Variants in ZNF790 observed in about 807,000 individuals in gnomAD.
ZNF790 encodes the protein zinc finger protein 790.
Under a neutral mutation model 12.1 loss-of-function variants are expected in ZNF790, and 8 were observed. The ratio of observed to expected loss-of-function variants is 0.66; its 90% CI spans 0.39 to 1.19. The LOEUF is 1.19. Among genes scored for constraint, ZNF790 ranks in the 50% most tolerant of loss-of-function variants. The pLI is 0.01. For synonymous variants in ZNF790, 252 were observed against 244.3 expected, an observed-to-expected ratio of 1.03 and a Z score of -0.29; for missense variants, 707 against 752.2, an observed-to-expected ratio of 0.94 and a Z score of 0.70.
In ZNF790 at chr19:36,834,271, A is replaced by T. The variant is rs1398931219; in HGVS notation, c.-74+4066T>A. 2.7e-5 allele frequency among the ~76,000 whole-genome samples: 4 copies of T among 147,138 alleles called. No homozygotes were observed. In the South Asian group the frequency reaches 8.4e-4, roughly 31 times the overall value. ...AAAAAAAAAAAAAAAAAAAAAAGAC[A>T]GTGAGTAAAAATGCAAACCTTACGC... is the stretch of plus-strand genomic sequence containing the variant. On this transcript the variant is annotated intron_variant, in intron 1 of 4. Transcript: ENST00000356725.
chr19:36,839,559 CTCAGCTAATTTTTATAGAGACAGG>C (rs1312094193), upstream of ZNF790, among the ~76,000 whole-genome samples: 2 of 152,204 alleles, frequency 1.3e-5, no homozygotes, highest in East Asian at 3.9e-4. Context: ...TGCCATCACA[CTCAGCTAATTTTTATAGAGACAGG>C]GTCTCGCCAT....
chr19:36,818,727 A>T lies in ZNF790; in HGVS notation c.1617T>A (p.Cys539Ter). ...GTGAACCCCAGATAAAAGATTTCCC[A>T]CATTCTTTACATACGTAAGGTTCCT... ...TGEEPYVCKE[C>*]GKSFIWGSQL... The change falls in exon 5 of 5, where the codon TGT (cysteine) becomes TGA (stop). Residue 539 changes from cysteine to a stop codon, truncating the protein, a stop_gained. Transcript: ENST00000356725. LOFTEE classifies it low-confidence loss of function (END_TRUNC). 1 of 1,613,010 alleles carries T rather than the reference A, an allele frequency of 6.2e-7. No homozygotes were observed. Among genetic ancestry groups the T allele is most frequent in the Non-Finnish European group, 8.5e-7 (1 of 1,179,672 alleles).
At chr19:36,831,493 G>A (rs1044434164) in intron 1 of ZNF790, among the ~76,000 whole-genome samples, 1 of 152,196 alleles carries the variant, frequency 6.6e-6, no homozygotes, top group Non-Finnish European at 1.5e-5. Context: ...GAGTCTAGAA[G>A]ATTGCTTGAG....
At chr19:36,836,794 C>T (rs188150536) in intron 1 of ZNF790, among the ~76,000 whole-genome samples, 1 of 152,178 alleles carries the variant, frequency 6.6e-6, no homozygotes, top group East Asian at 1.9e-4. Context: ...AGCCCCTACC[C>T]AACAATCAAT....
intron 1 of ZNF790, among the ~76,000 whole-genome samples, chr19:36,826,310 G>C (rs993027235): frequency 6.6e-6 from 1 of 152,082 alleles, no homozygotes; most frequent in Non-Finnish European, 1.5e-5. Context: ...TATTGGCCGG[G>C]CGTGGTGGCT....
chr19:36,843,402 G>A (rs1336853481), intron 1 of ZNF790, among the ~76,000 whole-genome samples: 1 of 152,202 alleles, frequency 6.6e-6, no homozygotes, highest in Non-Finnish European at 1.5e-5. Flanking sequence ...TTTGAGTTCA[G>A]GCCCTGTCAG....
intron 1 of ZNF790, among the ~76,000 whole-genome samples, chr19:36,836,463 C>CAT (rs1318685557): frequency 2.0e-5 from 3 of 149,604 alleles, no homozygotes; most frequent in Non-Finnish European, 4.4e-5. Flanking sequence ...AAAAAAAAAA[C>CAT]ACACACACAC....
At chr19:36,842,149 C>T (rs879378824), upstream of ZNF790, among the ~76,000 whole-genome samples, 6 of 152,140 alleles carry the variant, frequency 3.9e-5, no homozygotes, top group Admixed American at 2.6e-4. Context: ...AAAATGTAAA[C>T]GTCTGCTATT....
At chr19:36,821,168 T>C (rs1337387095) in intron 4 of ZNF790, among the ~76,000 whole-genome samples, 1 of 151,618 alleles carries the variant, frequency 6.6e-6, no homozygotes, top group African/African-American at 2.4e-5. Flanking sequence ...TTTTCTAATG[T>C]ATATATTTAG....
At chr19:36,850,560 T>C (rs1600679946), upstream of ZNF790, 1 of 152,446 alleles carries the variant, frequency 6.6e-6, no homozygotes, top group East Asian at 1.9e-4. Context: ...CTGGCTTAGC[T>C]GGATTCTTGC....
At chr19:36,822,096 T>C (rs1445444011) in intron 4 of ZNF790, among the ~76,000 whole-genome samples, 1 of 152,272 alleles carries the variant, frequency 6.6e-6, no homozygotes, top group African/African-American at 2.4e-5. Flanking sequence ...AAAAAGTTTC[T>C]TAAGAGACAA....
chr19:36,826,447 G>A (rs1600655440), intron 1 of ZNF790, among the ~76,000 whole-genome samples: 1 of 151,664 alleles, frequency 6.6e-6, no homozygotes, highest in Non-Finnish European at 1.5e-5. Context: ...GCCAGGCATG[G>A]TGGCGCATCC....
chr19:36,827,141 C>CACACACACACACACACATATATAT (rs1313807327), intron 1 of ZNF790, among the ~76,000 whole-genome samples: 2 of 84,440 alleles, frequency 2.4e-5, no homozygotes, highest in African/African-American at 5.5e-5. Flanking sequence ...CACACACACA[C>CACACACACACACACACATATATAT]ATATATATAT....
At chr19:36,820,656 C>G (rs770828279) in intron 4 of ZNF790, among the ~76,000 whole-genome samples, 3 of 152,110 alleles carry the variant, frequency 2.0e-5, no homozygotes, top group Admixed American at 6.5e-5. Flanking sequence ...TTAATCCCAG[C>G]ACTTGGAAAG....
chr19:36,823,396 G>C lies in ZNF790; in HGVS notation c.134-16C>G. Reference sequence around the variant, plus strand: ...ATGCAAAAACCTGCCCAGAAGATGAGAAACAGCAAAGAACCACATTGTAAA... The same window carrying C: ...ATGCAAAAACCTGCCCAGAAGATGACAAACAGCAAAGAACCACATTGTAAA... On this transcript the variant is annotated splice_polypyrimidine_tract_variant and intron_variant, in intron 3 of 4. Transcript: ENST00000356725. 6.2e-7 allele frequency: 1 copy of C among 1,610,520 alleles called. No individual in the cohort carries two copies.
At chr19:36,836,119 T>C (rs1003464032) in intron 1 of ZNF790, among the ~76,000 whole-genome samples, 1 of 152,008 alleles carries the variant, frequency 6.6e-6, no homozygotes, top group African/African-American at 2.4e-5. Flanking sequence ...AAGGAAATAA[T>C]GTATACAGTG....
At chr19:36,827,006 T>C (rs1396786365) in intron 1 of ZNF790, among the ~76,000 whole-genome samples, 14 of 150,034 alleles carry the variant, frequency 9.3e-5, no homozygotes, top group Non-Finnish European at 2.1e-4. Flanking sequence ...AATGATATAA[T>C]AAGCAAATTG....
upstream of ZNF790, chr19:36,850,710 T>C (rs1329996490): frequency 6.6e-6 from 1 of 152,148 alleles, no homozygotes; most frequent in African/African-American, 2.4e-5. Context: ...CTCAAAGAGA[T>C]AGTTTTGTTG....
At chr19:36,842,677 A>AC (rs1195923319), upstream of ZNF790, among the ~76,000 whole-genome samples, 1 of 151,488 alleles carries the variant, frequency 6.6e-6, no homozygotes, top group East Asian at 1.9e-4. Flanking sequence ...AAAAAAAAAA[A>AC]CACAAAGCTT....
Sources: gnomAD v4.1 joint callset for allele counts (sites outside exome capture counted in the v4.1 genomes callset) on GRCh38, gnomAD v4.1.1 for gene constraint, MANE v1.5 for transcripts, NCBI Gene and HGNC (gene_info 2026-07-23, HGNC 2026-07-21) for gene names.